The following TDRD3 variants were observed in gnomAD, a reference collection of about 807,000 sequenced individuals.
The protein encoded by TDRD3 is tudor domain containing 3, also known as tudor domain-containing protein 3.
Under a neutral mutation model 86.7 loss-of-function variants are expected in TDRD3, and 45 were observed. That is an observed-to-expected ratio of 0.52 (90% CI 0.41 to 0.67). The LOEUF (loss-of-function observed/expected upper bound fraction) is 0.67, where lower values mean the gene tolerates loss of function less well. Ranked by LOEUF, TDRD3 falls within the 30% of genes least tolerant of loss-of-function variation. The probability of loss-of-function intolerance (pLI) is 0.00; values close to 1 mark genes in which losing one functional copy is unlikely to be tolerated. For synonymous variants in TDRD3, 298 were observed against 301.7 expected, an observed-to-expected ratio of 0.99 and a Z score of 0.13; for missense variants, 814 against 889.0, an observed-to-expected ratio of 0.92 and a Z score of 1.07.
Position 60,509,870 on chromosome 13 carries a change from ACTT to A in TDRD3, c.970_972del (p.Leu324del). ...ACAACTTAGAAGCAGCACTGAACGT[ACTT>A]CTTACAAGCAATAAACAGAAACCTG... On this transcript the variant is annotated inframe_deletion, in exon 9 of 14. Transcript: ENST00000377881. 1 of 1,613,836 alleles carries A rather than the reference ACTT, an allele frequency of 6.2e-7. No individual in the cohort carries two copies. Among genetic ancestry groups the A allele is most frequent in the Non-Finnish European group, 8.5e-7 (1 of 1,179,736 alleles).
chr13:60,467,112 GT>G, intron 4 of TDRD3, 125 bp from the exon 5 acceptor site: 2 of 1,107,694 alleles, frequency 1.8e-6, no homozygotes, highest in Non-Finnish European at 2.6e-6. Flanking sequence ...TGCATTAGCT[GT>G]TTTTCCTAAT....
intron 13 of TDRD3, among the ~76,000 whole-genome samples, chr13:60,569,826 T>C (rs544807197): frequency 1.3e-5 from 2 of 152,314 alleles, no homozygotes; most frequent in African/African-American, 4.8e-5. Context: ...GGAGTGATGA[T>C]AGTCTCTCCA....
intron 12 of TDRD3, among the ~76,000 whole-genome samples, chr13:60,541,879 C>T (rs958595457): frequency 1.3e-5 from 2 of 151,804 alleles, no homozygotes; most frequent in East Asian, 3.9e-4. Context: ...AGGCATGGGC[C>T]ACCATGCCCA....
chr13:60,404,632 T>C (rs1253762163), intron 1 of TDRD3, among the ~76,000 whole-genome samples: 2 of 151,800 alleles, frequency 1.3e-5, no homozygotes, highest in Non-Finnish European at 2.9e-5. Flanking sequence ...TGAGACAGAG[T>C]CTCACTCTGT....
rs191351169 is a variant in TDRD3, at chr13:60,547,455, G to A, written c.2118+12222G>A. The A allele has an allele frequency of 3.1e-6, 3 of 977,540 alleles. No homozygotes were observed. The East Asian group carries it at 3.4e-4, about 112-fold the overall frequency. The allele number at this position is 977,540 out of a possible 1,614,324, so 60.6% of individuals were successfully genotyped here. ...GAGGAGTCAGAAGACCTGGGTTCGA[G>A]TCCTGGCTCTGCCACTTACTACCTA... is the stretch of plus-strand genomic sequence containing the variant. On this transcript the variant is annotated intron_variant, in intron 12 of 13. Transcript: ENST00000377881.
chr13:60,520,050 A>G (rs917690355), intron 10 of TDRD3, among the ~76,000 whole-genome samples: 1 of 152,072 alleles, frequency 6.6e-6, no homozygotes, highest in African/African-American at 2.4e-5. Flanking sequence ...GGCTTTTCTC[A>G]GTTTTCTTTT....
chr13:60,555,973 C>G (rs970940726), intron 12 of TDRD3, among the ~76,000 whole-genome samples: 15 of 151,714 alleles, frequency 9.9e-5, no homozygotes. Flanking sequence ...GCCTCAGCCT[C>G]CTTAGTAGCT....
At chr13:60,509,689 C>T (rs1436269399) in intron 8 of TDRD3, 74 bp from the exon 9 acceptor site, 1 of 1,558,130 alleles carries the variant, frequency 6.4e-7, no homozygotes, top group East Asian at 2.3e-5. Context: ...AGTTAAAAGA[C>T]AGTAAGTAGT....
At chr13:60,546,905 G>A (rs537836414) in intron 12 of TDRD3, among the ~76,000 whole-genome samples, 7 of 152,154 alleles carry the variant, frequency 4.6e-5, no homozygotes, top group Non-Finnish European at 7.4e-5. Context: ...TTGGTGTAAC[G>A]TCTTCAACAT....
intron 2 of TDRD3, among the ~76,000 whole-genome samples, chr13:60,440,328 T>C (rs1004796201): frequency 1.3e-5 from 2 of 152,134 alleles, no homozygotes; most frequent in African/African-American, 2.4e-5. Context: ...GTTTTTTTTT[T>C]CCATAATTGT....
chr13:60,520,040 G>A (rs1487665571), intron 10 of TDRD3, among the ~76,000 whole-genome samples: 3 of 151,966 alleles, frequency 2.0e-5, no homozygotes, highest in Admixed American at 6.6e-5. Flanking sequence ...TTTAAAAATT[G>A]GCTTTTCTCA....
chr13:60,474,243 C>T (rs925968665), intron 5 of TDRD3, among the ~76,000 whole-genome samples: 6 of 152,194 alleles, frequency 3.9e-5, no homozygotes, highest in Non-Finnish European at 7.3e-5. Flanking sequence ...ACACGTGACT[C>T]GCATGACCTT....
rs529564594 is a variant in TDRD3, at chr13:60,495,270, A to T, written c.858+695A>T. On this transcript the variant is annotated intron_variant, in intron 8 of 13. Coordinates refer to ENST00000377881, the MANE Select transcript of TDRD3 (RefSeq NM_001146070.2). ...TATTAGGGCATTTGTGGGTATTTCC[A>T]TGATTTCTTGGCTTTCTCCTTAGTG... is the stretch of plus-strand genomic sequence containing the variant. 2.0e-5 allele frequency among the ~76,000 whole-genome samples: 3 copies of T among 152,302 alleles called. No homozygotes were observed. The South Asian group carries it at 6.2e-4, about 32-fold the overall frequency.
chr13:60,422,207 G>A (rs888066882), intron 1 of TDRD3, among the ~76,000 whole-genome samples: 1 of 152,004 alleles, frequency 6.6e-6, no homozygotes, highest in Non-Finnish European at 1.5e-5. Context: ...TAATGAAGAG[G>A]AAAAGAAGGA....
intron 5 of TDRD3, among the ~76,000 whole-genome samples, chr13:60,472,378 AAC>A (rs1956091702): frequency 6.6e-6 from 1 of 152,186 alleles, no homozygotes. Context: ...AGTAGTTTAA[AAC>A]ACATTCACAA....
intron 8 of TDRD3, among the ~76,000 whole-genome samples, chr13:60,503,805 T>A (rs1341665183): frequency 1.1e-4 from 16 of 152,220 alleles, no homozygotes; most frequent in Admixed American, 1.0e-3. Context: ...CCTTTACTAT[T>A]ACATGAAAAT....
chr13:60,480,800 A>T (rs1956293883), intron 5 of TDRD3, among the ~76,000 whole-genome samples: 1 of 152,068 alleles, frequency 6.6e-6, no homozygotes, highest in Admixed American at 6.5e-5. Context: ...GGGGTATTAT[A>T]GCCAGCATGA....
At chr13:60,475,705 T>TA (rs980579298) in intron 5 of TDRD3, among the ~76,000 whole-genome samples, 1 of 152,198 alleles carries the variant, frequency 6.6e-6, no homozygotes, top group African/African-American at 2.4e-5. Context: ...TTGCCAGCAT[T>TA]GGTTGTTTTT....
intron 1 of TDRD3, among the ~76,000 whole-genome samples, chr13:60,412,563 C>T (rs1486908452): frequency 6.6e-6 from 1 of 152,088 alleles, no homozygotes; most frequent in African/African-American, 2.4e-5. Flanking sequence ...TAGTATGACA[C>T]ATCAAGAAAT....
Sources: gnomAD v4.1 joint callset for allele counts (sites outside exome capture counted in the v4.1 genomes callset) on GRCh38, gnomAD v4.1.1 for gene constraint, MANE v1.5 for transcripts, NCBI Gene and HGNC (gene_info 2026-07-23, HGNC 2026-07-21) for gene names.